Variants in UCKL1 observed in about 807,000 individuals in gnomAD.
UCKL1 encodes the protein uridine-cytidine kinase-like 1.
UCKL1 carries 65 observed loss-of-function variants against 59.2 expected under a neutral mutation model. The observed-to-expected ratio is 1.10, with a 90% CI of 0.90 to 1.35. The LOEUF is 1.35. Among genes scored for constraint, UCKL1 ranks in the 40% most tolerant of loss-of-function variants. The probability of loss-of-function intolerance (pLI) is 0.00; values close to 1 mark genes in which losing one functional copy is unlikely to be tolerated. For missense variants in UCKL1, 703 were observed against 784.3 expected, an observed-to-expected ratio of 0.90 and a Z score of 1.24; for synonymous variants, 410 against 323.1, an observed-to-expected ratio of 1.27 and a Z score of -2.88.
intron 8 of UCKL1, 198 bp from the exon 9 acceptor site, chr20:63,941,406 A>G (rs1267980448): frequency 1.3e-6 from 1 of 798,062 alleles, no homozygotes; most frequent in South Asian, 1.8e-5. Flanking sequence ...CAAAGGCGAA[A>G]GATGGCGGCG....
chr20:63,952,049 G>T (rs2057717778), intron 1 of UCKL1, among the ~76,000 whole-genome samples: 1 of 152,214 alleles, frequency 6.6e-6, no homozygotes, highest in African/African-American at 2.4e-5. Flanking sequence ...CCACTCCTGG[G>T]AGCTGCCTCA....
chr20:63,949,787 C>T (rs1428749935), intron 1 of UCKL1, among the ~76,000 whole-genome samples: 3 of 152,238 alleles, frequency 2.0e-5, no homozygotes, highest in Non-Finnish European at 4.4e-5. Context: ...AAGAGGCTCC[C>T]CAGCGAAGCT....
chr20:63,949,971 C>T (rs2057331433), intron 1 of UCKL1, among the ~76,000 whole-genome samples: 5 of 152,268 alleles, frequency 3.3e-5, no homozygotes, highest in Admixed American at 3.3e-4. Flanking sequence ...CAGTCCTCTC[C>T]AGCAGGAGCC....
intron 5 of UCKL1, among the ~76,000 whole-genome samples, chr20:63,945,177 T>C (rs2055816884): frequency 6.6e-6 from 1 of 152,116 alleles, no homozygotes; most frequent in Non-Finnish European, 1.5e-5. Flanking sequence ...AGTTGGCCCG[T>C]GAAGAGGCCT....
At chr20:63,946,782 A>G in intron 1 of UCKL1, 139 bp from the exon 2 acceptor site, 1 of 861,206 alleles carries the variant, frequency 1.2e-6, no homozygotes, top group Non-Finnish European at 1.7e-6. Flanking sequence ...GGGGGTACAT[A>G]AGAACTCTGC....
In UCKL1 at chr20:63,945,933, AGTTGTTGT is replaced by A; in HGVS notation, c.446_453del (p.His149LeufsTer10). 3.1e-6 allele frequency: 5 copies of A among 1,613,772 alleles called. No homozygotes were observed. Among genetic ancestry groups the A allele is most frequent in the Non-Finnish European group, 2.5e-6 (3 of 1,179,946 alleles). On this transcript the variant is annotated frameshift_variant, in exon 4 of 15. Transcript: ENST00000354216. LOFTEE classifies it high-confidence loss of function. Reference sequence around the variant, plus strand: ...AAGGCATCTGGGTGGTCGAAGTTGAAGTTGTTGTGTGCGGCCTGTTCCTGCTGCTGCTC... The same window carrying A: ...AAGGCATCTGGGTGGTCGAAGTTGAAGTGCGGCCTGTTCCTGCTGCTGCTC...
Position 63,945,641 on chromosome 20 carries a change from G to C in UCKL1, c.654+10C>G. The C allele has an allele frequency of 6.2e-7, 1 of 1,612,562 alleles. No individual in the cohort carries two copies. The highest frequency in any genetic ancestry group is 8.5e-7 in the Non-Finnish European group (1 of 1,179,600). ...TACCAGCGGGGTGGGTATTCCCGGC[G>C]GGTGCTTACCTCCAACAGTGTCTTG... On this transcript the variant is annotated intron_variant, in intron 5 of 14. Transcript: ENST00000354216.
intron 1 of UCKL1, among the ~76,000 whole-genome samples, chr20:63,951,601 G>A (rs1224765492): frequency 2.6e-5 from 4 of 152,112 alleles, no homozygotes; most frequent in Admixed American, 1.3e-4. Context: ...CCCCACTCAC[G>A]GGGGATCCTG....
rs747459620 is a variant in UCKL1 at position 63,956,269 on chromosome 20, C to T, written c.104G>A (p.Cys35Tyr). ...GRQAEKSETA[C>Y]EDRSNAESLD... ...CGAGGCCCACGCCTACCGGTCCTCG[C>T]ACGCGGTCTCGCTTTTCTCAGCCTG... The change falls in exon 1 of 15, where the codon TGC becomes TAC. Residue 35 changes from cysteine to tyrosine, a missense_variant. Transcript: ENST00000354216. The T allele has an allele frequency of 2.6e-6, 4 of 1,547,526 alleles. No individual in the cohort carries two copies. The highest frequency in any genetic ancestry group is 3.5e-6 in the Non-Finnish European group (4 of 1,151,388).
rs140037064 is a variant in UCKL1 at position 63,944,627 on chromosome 20, C to G, written c.762G>C (p.Lys254Asn). Residue 254 changes from lysine (K) to asparagine (N), a missense_variant, in exon 6 of 15, where the codon AAG (lysine) becomes AAC (asparagine). Physicochemically the swap from Lys to Asn is moderately conservative, Grantham distance 94 (BLOSUM62 0). Around this residue, in one of 4 missense-constraint regions of UCKL1, gnomAD observed 398 missense variants for 373.0 expected, o/e 1.07. Transcript: ENST00000354216. The part of the protein sequence containing the change: ...ERGRDIEGVI[K>N]QYNKFVKPSF... ...AGGGCTTGACAAACTTGTTGTACTG[C>G]TTGATGACACCCTCGATGTCCCGGC... 6.2e-7 allele frequency: 1 copy of G among 1,613,204 alleles called. No individual in the cohort carries two copies. Among genetic ancestry groups the G allele is most frequent in the Non-Finnish European group, 8.5e-7 (1 of 1,179,942 alleles).
chr20:63,950,725 C>T (rs773375187), intron 1 of UCKL1: 2 of 1,485,852 alleles, frequency 1.3e-6, no homozygotes, highest in African/African-American at 1.4e-5. Flanking sequence ...CAAGTGGGTG[C>T]CCCTCACGGC....
Position 63,946,189 on chromosome 20 carries a change from A to G in UCKL1, c.383T>C (p.Val128Ala). The G allele has an allele frequency of 1.9e-6, 3 of 1,612,042 alleles. No homozygotes were observed. Among genetic ancestry groups the G allele is most frequent in the Non-Finnish European group, 1.7e-6 (2 of 1,179,630 alleles). The change falls in exon 3 of 15, where the codon GTC (valine) becomes GCC (alanine). Residue 128 changes from valine (V) to alanine (A), a missense_variant. By Grantham distance (64) the Val-to-Ala change is moderately conservative (BLOSUM62 0). Coordinates refer to ENST00000354216, the MANE Select transcript of UCKL1 (RefSeq NM_017859.4). ...GTAGAAGGAGTCCATGGACAGCAAG[A>G]CCACCCAGGGCACATCCAGGGCCTC... is the stretch of plus-strand genomic sequence containing the variant. ...IIEALDVPWV[V>A]LLSMDSFYKV...
chr20:63,950,039 G>A (rs1329414799), intron 1 of UCKL1, among the ~76,000 whole-genome samples: 5 of 152,176 alleles, frequency 3.3e-5, no homozygotes, highest in African/African-American at 7.2e-5. Flanking sequence ...CCCCGTCACC[G>A]CAGATCCCTC....
rs151050185 is a variant in UCKL1 at position 63,950,445 on chromosome 20, CAG to C, written c.114-3804_114-3803del. On this transcript the variant is annotated intron_variant, in intron 1 of 14. Transcript: ENST00000354216. ...TTAGAATATTAAAAATAAATAAAAA[CAG>C]AGGAGAAAGTTGCACAGCAAACCTC... Among the ~76,000 whole-genome samples the C allele has an allele frequency of 5.2e-3, 786 of 152,264 alleles. 8 individuals carry two copies. The highest frequency in any genetic ancestry group is 0.018 in the African/African-American group (745 of 41,542).
Position 63,939,882 on chromosome 20 carries a change from T to C in UCKL1, c.*94A>G, listed in dbSNP as rs1490401489. 9.6e-6 allele frequency: 10 copies of C among 1,039,564 alleles called. No individual in the cohort carries two copies. Among genetic ancestry groups the C allele is most frequent in the Non-Finnish European group, 1.4e-6 (1 of 700,128 alleles). The allele number at this position is 1,039,564 out of a possible 1,614,324, so 64.4% of individuals were successfully genotyped here. On this transcript the variant is annotated 3_prime_UTR_variant, in exon 15 of 15. Coordinates refer to ENST00000354216, the MANE Select transcript of UCKL1 (RefSeq NM_017859.4). ...ATAAAATGCATAGAATAAATTATACTAGTAACATTTTAAAAATTAACATCT... is the reference window on the plus strand; with the variant it reads ...ATAAAATGCATAGAATAAATTATACCAGTAACATTTTAAAAATTAACATCT...
At chr20:63,955,780 A>C (rs1380166420) in intron 1 of UCKL1, 2 of 152,296 alleles carry the variant, frequency 1.3e-5, no homozygotes, top group Non-Finnish European at 2.9e-5. Context: ...TCCCCACTTC[A>C]TGCTCTTGCA....
intron 1 of UCKL1, chr20:63,950,744 C>CT: frequency 6.6e-7 from 1 of 1,520,592 alleles, no homozygotes; most frequent in Non-Finnish European, 8.8e-7. Flanking sequence ...GCAGAGACCT[C>CT]CAGTCGAGAC....
intron 3 of UCKL1, 52 bp from the exon 4 acceptor site, chr20:63,946,027 A>G (rs548987088): frequency 3.4e-5 from 55 of 1,611,388 alleles, no homozygotes; most frequent in Non-Finnish European, 4.3e-5. Flanking sequence ...CCCTCACCCA[A>G]TGCCAGCGGA....
intron 5 of UCKL1, 99 bp downstream of exon 5, chr20:63,945,552 G>A (rs2055938734): frequency 7.8e-7 from 1 of 1,278,706 alleles, no homozygotes; most frequent in Non-Finnish European, 1.1e-6. Flanking sequence ...CCTATACAGT[G>A]TGGAGGCCTT....
Sources: allele counts gnomAD v4.1 joint callset (sites outside exome capture counted in the v4.1 genomes callset), GRCh38; gene constraint gnomAD v4.1.1; regional missense constraint gnomAD v4.1.1; transcripts MANE v1.5; gene names NCBI Gene and HGNC (gene_info 2026-07-23, HGNC 2026-07-21).